The following GALNT13 variants were observed in gnomAD, a reference collection of about 807,000 sequenced individuals.
GALNT13 encodes the protein polypeptide N-acetylgalactosaminyltransferase 13.
GALNT13 carries 28 observed loss-of-function variants against 64.2 expected under a neutral mutation model. That is an observed-to-expected ratio of 0.44 (90% CI 0.32 to 0.60). The LOEUF (loss-of-function observed/expected upper bound fraction) is 0.60, where lower values mean the gene tolerates loss of function less well. Ranked by LOEUF, GALNT13 falls within the 20% of genes least tolerant of loss-of-function variation. The pLI, the probability that GALNT13 is intolerant of heterozygous loss-of-function variation, is 0.05. For synonymous variants in GALNT13, 214 were observed against 224.6 expected (o/e 0.95, Z 0.42); for missense variants, 577 against 669.8 (o/e 0.86, Z 1.53).
the GALNT13 span, among the ~76,000 whole-genome samples, chr2:153,406,774 G>T: frequency 6.6e-6 from 1 of 152,076 alleles, no homozygotes; most frequent in Admixed American, 6.6e-5. Context: ...TCTTTAAGTA[G>T]TTCGTCCAAC....
At chr2:154,338,575 C>A (rs563093591) in intron 9 of GALNT13, among the ~76,000 whole-genome samples, 9 of 152,136 alleles carry the variant, frequency 5.9e-5, no homozygotes, top group African/African-American at 2.2e-4. Context: ...CATGAGGCAG[C>A]CCCACGGTCA....
rs140275090 is a variant in GALNT13, at chr2:154,009,876, C to T, written c.142+65237C>T. The stretch of plus-strand genomic sequence containing the variant: ...TAACGCTTGTAGAAATCTTTCACCT[C>T]CCTGGTTAGCTGTATTCCTGTGTTT... On this transcript the variant is annotated intron_variant, in intron 3 of 12. Coordinates refer to ENST00000392825, the MANE Select transcript of GALNT13 (RefSeq NM_052917.4). Among the ~76,000 whole-genome samples, 367 of 152,230 alleles carry T rather than the reference C, an allele frequency of 2.4e-3. 9 individuals carry two copies. The East Asian group carries it at 0.055, about 23-fold the overall frequency.
chr2:153,411,161 GTA>G, the GALNT13 span, among the ~76,000 whole-genome samples: 33,711 of 139,516 alleles, frequency 0.24, 5,158 homozygotes, highest in Non-Finnish European at 0.35. Flanking sequence ...TGGCATATAT[GTA>G]TATATATATA....
chr2:153,403,670 G>C, the GALNT13 span, among the ~76,000 whole-genome samples: 4 of 152,154 alleles, frequency 2.6e-5, no homozygotes, highest in African/African-American at 9.7e-5. Flanking sequence ...CACAGTATTC[G>C]GGTGGGAGTG....
chr2:153,742,499 A>G, the GALNT13 span, among the ~76,000 whole-genome samples: 1 of 152,102 alleles, frequency 6.6e-6, no homozygotes, highest in Non-Finnish European at 1.5e-5. Flanking sequence ...GTTTTGCAGT[A>G]TGGTTTGGGC....
intron 3 of GALNT13, among the ~76,000 whole-genome samples, chr2:154,119,479 G>A (rs1166351107): frequency 1.3e-5 from 2 of 152,104 alleles, no homozygotes; most frequent in Non-Finnish European, 1.5e-5. Flanking sequence ...CTTAGATTAG[G>A]GAAGTCTTCA....
chr2:153,393,601 G>A, the GALNT13 span, among the ~76,000 whole-genome samples: 1 of 151,994 alleles, frequency 6.6e-6, no homozygotes, highest in Non-Finnish European at 1.5e-5. Flanking sequence ...GCTTGGCTAG[G>A]TCGTGGTACC....
At position 154,049,446 on chromosome 2, in the gene GALNT13, GAT is replaced by G. The variant is rs35501666; in HGVS notation, c.143-90879_143-90878del. ...TAATGGTATATATACTATTCATTGT[GAT>G]ATATATATATAATGGTATATATATA... On this transcript the variant is annotated intron_variant, in intron 3 of 12. Transcript: ENST00000392825. 3.9e-3 allele frequency among the ~76,000 whole-genome samples: 571 copies of G among 145,266 alleles called. 3 individuals are homozygous for G. Among genetic ancestry groups the G allele is most frequent in the African/African-American group, 0.013 (533 of 39,934 alleles).
At chr2:153,171,388 C>G in the GALNT13 span, among the ~76,000 whole-genome samples, 1 of 151,956 alleles carries the variant, frequency 6.6e-6, no homozygotes, top group Admixed American at 6.6e-5. Context: ...AGAGGAAGCA[C>G]TATATTAAAC....
chr2:153,646,460 T>A, the GALNT13 span, among the ~76,000 whole-genome samples: 28 of 146,760 alleles, frequency 1.9e-4, no homozygotes, highest in African/African-American at 6.8e-4. Flanking sequence ...TTCTTTTATA[T>A]ATATATATAT....
At chr2:154,079,938 T>G (rs1416249750) in intron 3 of GALNT13, among the ~76,000 whole-genome samples, 1 of 151,626 alleles carries the variant, frequency 6.6e-6, no homozygotes, top group African/African-American at 2.4e-5. Flanking sequence ...TTTGTTTATT[T>G]TTTATATAGT....
the GALNT13 span, among the ~76,000 whole-genome samples, chr2:153,250,329 T>C: frequency 4.4e-4 from 67 of 152,266 alleles, no homozygotes; most frequent in African/African-American, 1.6e-3. Context: ...AAAACCACAA[T>C]GAGGTACCAT....
chr2:153,895,083 A>C (rs1687803413), intron 1 of GALNT13, among the ~76,000 whole-genome samples: 1 of 152,168 alleles, frequency 6.6e-6, no homozygotes. Context: ...GGGAATTTGC[A>C]GGAATCTAAA....
chr2:153,401,608 C>T, the GALNT13 span, among the ~76,000 whole-genome samples: 470 of 150,212 alleles, frequency 3.1e-3, no homozygotes, highest in African/African-American at 0.011. Context: ...ATCTGGGTGC[C>T]CCTGTATTGG....
At chr2:154,318,464 G>A (rs943664197) in intron 9 of GALNT13, among the ~76,000 whole-genome samples, 7 of 152,106 alleles carry the variant, frequency 4.6e-5, no homozygotes, top group Admixed American at 1.3e-4. Flanking sequence ...AGTGGTTCAC[G>A]CCTGTAATCC....
At chr2:153,515,132 G>T in the GALNT13 span, among the ~76,000 whole-genome samples, 20 of 152,116 alleles carry the variant, frequency 1.3e-4, no homozygotes, top group African/African-American at 4.6e-4. Context: ...AGCCCAAATT[G>T]GTTCACTGTC....
intron 3 of GALNT13, among the ~76,000 whole-genome samples, chr2:154,087,045 T>C (rs1374889372): frequency 3.3e-5 from 5 of 152,128 alleles, no homozygotes; most frequent in African/African-American, 4.8e-5. Context: ...GACAAATTGC[T>C]ATCTTCTGAA....
intron 8 of GALNT13, among the ~76,000 whole-genome samples, chr2:154,288,345 G>A (rs1298511558): frequency 6.6e-6 from 1 of 152,042 alleles, no homozygotes; most frequent in Non-Finnish European, 1.5e-5. Flanking sequence ...TGGAGACAGA[G>A]CCAAACCATA....
At chr2:153,652,999 C>T in the GALNT13 span, among the ~76,000 whole-genome samples, 1 of 151,912 alleles carries the variant, frequency 6.6e-6, no homozygotes, top group African/African-American at 2.4e-5. Context: ...CAGATACATA[C>T]ATATATGTAT....
Sources: allele counts gnomAD v4.1 joint callset (sites outside exome capture counted in the v4.1 genomes callset), GRCh38; gene constraint gnomAD v4.1.1; transcripts MANE v1.5; gene names NCBI Gene and HGNC (gene_info 2026-07-23, HGNC 2026-07-21).